Variants in GRXCR2 observed in about 807,000 individuals in gnomAD.
The protein encoded by GRXCR2 is glutaredoxin and cysteine rich domain containing 2.
A neutral mutation model predicts 24.8 loss-of-function variants in GRXCR2; 23 were observed. The observed-to-expected ratio is 0.93, with a 90% CI of 0.67 to 1.32. The LOEUF (loss-of-function observed/expected upper bound fraction) is 1.32, where lower values mean the gene tolerates loss of function less well. GRXCR2 is among the 40% of genes most tolerant of loss of function. The pLI is 0.00. For missense variants in GRXCR2, 315 were observed against 303.4 expected (o/e 1.04, Z -0.28); for synonymous variants, 130 against 116.1 (o/e 1.12, Z -0.77).
At chr5:145,879,669 C>T (rs1415280478) in intron 2 of GRXCR2, among the ~76,000 whole-genome samples, 4 of 152,124 alleles carry the variant, frequency 2.6e-5, no homozygotes, top group African/African-American at 9.7e-5. Flanking sequence ...CAAGGATATC[C>T]AGGACTTGAA....
chr5:145,927,902 G>C (rs1312759005), intron 2 of GRXCR2, among the ~76,000 whole-genome samples: 5 of 152,150 alleles, frequency 3.3e-5, no homozygotes, highest in Non-Finnish European at 7.3e-5. Context: ...ATTGACAAAT[G>C]GGATCTAACT....
At chr5:145,900,073 C>T (rs1256813767) in intron 2 of GRXCR2, among the ~76,000 whole-genome samples, 1 of 151,972 alleles carries the variant, frequency 6.6e-6, no homozygotes, top group Non-Finnish European at 1.5e-5. Flanking sequence ...AAAAAACAAC[C>T]CCATTAAAAA....
intron 2 of GRXCR2, among the ~76,000 whole-genome samples, chr5:145,863,093 G>A (rs1033817149): frequency 7.2e-5 from 11 of 152,116 alleles, no homozygotes; most frequent in African/African-American, 2.7e-4. Context: ...GCTGTGGCTC[G>A]ATTCAATTAT....
At chr5:145,914,014 G>T (rs1186928383) in intron 2 of GRXCR2, among the ~76,000 whole-genome samples, 1 of 152,200 alleles carries the variant, frequency 6.6e-6, no homozygotes, top group Non-Finnish European at 1.5e-5. Flanking sequence ...GAGGAGATTT[G>T]TTACAAAGCT....
chr5:145,913,243 C>G (rs1420033538), intron 2 of GRXCR2, among the ~76,000 whole-genome samples: 3 of 152,002 alleles, frequency 2.0e-5, no homozygotes, highest in Non-Finnish European at 4.4e-5. Context: ...TTTTTTGGTT[C>G]CAGGATCCAA....
At position 145,872,651 on chromosome 5, in the gene GRXCR2, G is replaced by A; in HGVS notation, c.318C>T (p.Tyr106=). 6.2e-7 allele frequency: 1 copy of A among 1,604,132 alleles called. No homozygotes were observed. Among genetic ancestry groups the A allele is most frequent in the Non-Finnish European group, 8.5e-7 (1 of 1,173,064 alleles). ...LAGGQPRFND[Y]KANDHKPLPI... ...TACCAACCTTATGGTCATTCGCCTT[G>A]TAATCGTTGAACCGAGGCTGGCCGC... The change falls in exon 1 of 3, where the codon TAC becomes TAT. Residue 106 remains tyrosine, a synonymous_variant. Coordinates refer to ENST00000377976, the MANE Select transcript of GRXCR2 (RefSeq NM_001080516.2).
At chr5:145,868,023 C>T (rs1166773150) in intron 1 of GRXCR2, among the ~76,000 whole-genome samples, 1 of 152,154 alleles carries the variant, frequency 6.6e-6, no homozygotes, top group Non-Finnish European at 1.5e-5. Context: ...ATTGGCTTCT[C>T]TGCTGATTGA....
upstream of GRXCR2, among the ~76,000 whole-genome samples, chr5:145,875,117 A>C (rs966827006): frequency 6.6e-6 from 1 of 152,176 alleles, no homozygotes; most frequent in Non-Finnish European, 1.5e-5. Context: ...AGTTGTCCTT[A>C]CTATCTGTCT....
intron 2 of GRXCR2, among the ~76,000 whole-genome samples, chr5:145,900,867 A>G (rs926496503): frequency 2.0e-5 from 3 of 152,222 alleles, no homozygotes; most frequent in African/African-American, 7.2e-5. Context: ...GCTATTCACA[A>G]TAACAAAGTC....
At chr5:145,874,708 C>A (rs189166923), upstream of GRXCR2, among the ~76,000 whole-genome samples, 4 of 152,318 alleles carry the variant, frequency 2.6e-5, no homozygotes, top group African/African-American at 9.6e-5. Flanking sequence ...GCTGAAAAAT[C>A]TTTTCTAGTG....
intron 2 of GRXCR2, among the ~76,000 whole-genome samples, chr5:145,924,634 C>T (rs1422099358): frequency 6.6e-6 from 1 of 152,168 alleles, no homozygotes; most frequent in African/African-American, 2.4e-5. Context: ...AGATTAAGAG[C>T]ACAGCCTGCC....
At chr5:145,876,191 G>GTATGTA (rs1554104659), upstream of GRXCR2, among the ~76,000 whole-genome samples, 4 of 105,312 alleles carry the variant, frequency 3.8e-5, no homozygotes. Context: ...GTGTGTGTGT[G>GTATGTA]TATATATATA....
At chr5:145,883,813 A>G (rs1271252168) in intron 2 of GRXCR2, among the ~76,000 whole-genome samples, 2 of 152,176 alleles carry the variant, frequency 1.3e-5, no homozygotes, top group African/African-American at 4.8e-5. Flanking sequence ...ACCTGAGCCC[A>G]GGAGGTCACA....
chr5:145,912,149 C>T (rs2149925854), intron 2 of GRXCR2, among the ~76,000 whole-genome samples: 1 of 152,310 alleles, frequency 6.6e-6, no homozygotes, highest in East Asian at 1.9e-4. Context: ...GATGAGTTCC[C>T]AGGCACTGAG....
intron 2 of GRXCR2, among the ~76,000 whole-genome samples, chr5:145,905,843 A>G (rs1757084434): frequency 6.6e-6 from 1 of 152,186 alleles, no homozygotes; most frequent in African/African-American, 2.4e-5. Context: ...AGATGTATGA[A>G]TAAATAAATA....
chr5:145,911,403 T>G (rs996918710), intron 2 of GRXCR2, among the ~76,000 whole-genome samples: 1 of 151,736 alleles, frequency 6.6e-6, no homozygotes, highest in Non-Finnish European at 1.5e-5. Context: ...GTCTGCAGAG[T>G]GGAAAAGGCT....
chr5:145,903,014 A>G (rs1381051110), intron 2 of GRXCR2, among the ~76,000 whole-genome samples: 3 of 152,082 alleles, frequency 2.0e-5, no homozygotes, highest in Non-Finnish European at 4.4e-5. Context: ...ATAAAAATCA[A>G]CTCCTACATA....
intron 2 of GRXCR2, among the ~76,000 whole-genome samples, chr5:145,903,079 G>A (rs1357329964): frequency 6.6e-6 from 1 of 152,144 alleles, no homozygotes; most frequent in Non-Finnish European, 1.5e-5. Flanking sequence ...ACTTTCAGTT[G>A]CATTGACAGC....
At chr5:145,890,201 G>T (rs1756844637) in intron 2 of GRXCR2, among the ~76,000 whole-genome samples, 1 of 152,152 alleles carries the variant, frequency 6.6e-6, no homozygotes, top group Non-Finnish European at 1.5e-5. Flanking sequence ...CATTTCTCCT[G>T]CCCTCAACCT....
Sources: allele counts gnomAD v4.1 joint callset (sites outside exome capture counted in the v4.1 genomes callset), GRCh38; gene constraint gnomAD v4.1.1; transcripts MANE v1.5; gene names NCBI Gene and HGNC (gene_info 2026-07-23, HGNC 2026-07-21).